TAB2: variants seen among roughly 807,000 people sequenced by gnomAD.
TAB2 encodes TGF-beta activated kinase 1 (MAP3K7) binding protein 2.
In TAB2, 3 loss-of-function variants were observed where a neutral mutation model predicts 65.0. That is an observed-to-expected ratio of 0.05 (90% CI 0.02 to 0.12). The LOEUF is 0.12. Among genes scored for constraint, TAB2 ranks in the 10% least tolerant of loss-of-function variants. The pLI, the probability that TAB2 is intolerant of heterozygous loss-of-function variation, is 1.00. For synonymous variants in TAB2, 298 were observed against 285.1 expected (o/e 1.05, Z -0.46); for missense variants, 623 against 840.3 (o/e 0.74, Z 3.20).
intron 1 of TAB2, among the ~76,000 whole-genome samples, chr6:149,223,689 G>A (rs1222490918): frequency 6.6e-6 from 1 of 152,152 alleles, no homozygotes; most frequent in Admixed American, 6.5e-5. Flanking sequence ...AGCTGCTTAT[G>A]TAAAAAAATG....
chr6:149,308,890 A>C (rs775567798), intron 1 of TAB2, among the ~76,000 whole-genome samples: 44 of 152,172 alleles, frequency 2.9e-4, no homozygotes, highest in Non-Finnish European at 5.9e-4. Context: ...ATTTTTAATA[A>C]CCTTTTGCAT....
chr6:149,348,899 G>A (rs1383308607), intron 1 of TAB2, among the ~76,000 whole-genome samples: 3 of 151,722 alleles, frequency 2.0e-5, no homozygotes, highest in African/African-American at 7.3e-5. Flanking sequence ...TCCGGGAGGC[G>A]GAGGTTGCAG....
intron 5 of TAB2, among the ~76,000 whole-genome samples, chr6:149,398,796 T>C (rs553108405): frequency 6.8e-6 from 1 of 147,280 alleles, no homozygotes; most frequent in African/African-American, 2.7e-5. Context: ...AATTGTGAAA[T>C]TTTAAGTTAT....
chr6:149,310,351 CA>C (rs528455627), intron 1 of TAB2, among the ~76,000 whole-genome samples: 1 of 151,886 alleles, frequency 6.6e-6, no homozygotes, highest in African/African-American at 2.4e-5. Flanking sequence ...AAAACAAAAA[CA>C]AAAAACGTAA....
At chr6:149,405,687 A>G (rs1017432146) in intron 6 of TAB2, among the ~76,000 whole-genome samples, 1 of 152,208 alleles carries the variant, frequency 6.6e-6, no homozygotes, top group African/African-American at 2.4e-5. Flanking sequence ...TGTAGAATTC[A>G]AAAATATCAA....
intron 2 of TAB2, among the ~76,000 whole-genome samples, chr6:149,371,320 T>G (rs1406778834): frequency 3.9e-5 from 6 of 152,122 alleles, no homozygotes; most frequent in Non-Finnish European, 8.8e-5. Context: ...ACTTAAAACC[T>G]GTTGATTGTT....
chr6:149,321,783 G>A (rs1290061128), intron 1 of TAB2, among the ~76,000 whole-genome samples: 2 of 152,080 alleles, frequency 1.3e-5, no homozygotes, highest in Non-Finnish European at 2.9e-5. Flanking sequence ...TTATCACAAA[G>A]TAAAATTGTG....
chr6:149,400,193 G>T (rs918236464), intron 6 of TAB2: 6 of 592,366 alleles, frequency 1.0e-5, no homozygotes, highest in Non-Finnish European at 8.8e-6. Flanking sequence ...AACAGGATCT[G>T]GCAGCAGCCA....
chr6:149,345,144 T>C (rs964138347), intron 1 of TAB2, among the ~76,000 whole-genome samples: 1 of 152,136 alleles, frequency 6.6e-6, no homozygotes. Flanking sequence ...TTTGAGTGCT[T>C]GCATAATAAA....
intron 6 of TAB2, chr6:149,400,953 C>T (rs1273371855): frequency 2.4e-6 from 1 of 409,744 alleles, no homozygotes; most frequent in Non-Finnish European, 4.5e-6. Flanking sequence ...AATACTGATT[C>T]TGTGAAAATA....
Position 149,397,432 on chromosome 6 carries a change from ACT to A in TAB2, c.1604-169_1604-168del, listed in dbSNP as rs201262923. ...CTCCAGCCTGAGCAACAAGAGTAAAACTCTGTGTCAAAAAAAAAAAAAAATTG... is the reference window on the plus strand; with the variant it reads ...CTCCAGCCTGAGCAACAAGAGTAAAACTGTGTCAAAAAAAAAAAAAAATTG... On this transcript the variant is annotated intron_variant, in intron 3 of 6. Coordinates refer to ENST00000637181, the MANE Select transcript of TAB2 (RefSeq NM_001292034.3). 0.011 allele frequency among the ~76,000 whole-genome samples: 1,676 copies of A among 151,256 alleles called. 10 individuals are homozygous for A. The highest frequency in any genetic ancestry group is 0.017 in the Middle Eastern group (5 of 294).
chr6:149,397,456 A>T, intron 3 of TAB2, 148 bp from the exon 4 acceptor site: 4 of 952,656 alleles, frequency 4.2e-6, no homozygotes, highest in Non-Finnish European at 6.4e-6. Flanking sequence ...AAAAAAAAAA[A>T]TTGAAATTTT....
chr6:149,326,644 T>C (rs1204613535), intron 1 of TAB2, among the ~76,000 whole-genome samples: 3 of 151,788 alleles, frequency 2.0e-5, no homozygotes, highest in Non-Finnish European at 4.4e-5. Flanking sequence ...GCCTCCTGGG[T>C]TCAAGCAATT....
chr6:149,299,565 CTG>C (rs1780239754), intron 1 of TAB2, among the ~76,000 whole-genome samples: 1 of 152,108 alleles, frequency 6.6e-6, no homozygotes, highest in African/African-American at 2.4e-5. Context: ...GAGAAAGACT[CTG>C]TGTCAAAAAA....
intron 1 of TAB2, among the ~76,000 whole-genome samples, chr6:149,283,717 AAAAC>A (rs549342376): frequency 1.3e-5 from 2 of 152,074 alleles, no homozygotes; most frequent in East Asian, 3.9e-4. Context: ...TCTAAAAAAC[AAAAC>A]AAACAAACAA....
chr6:149,273,836 T>C lies in TAB2; in HGVS notation c.-121+55060T>C, dbSNP rs369028139. 2.0e-5 allele frequency among the ~76,000 whole-genome samples: 3 copies of C among 152,336 alleles called. No homozygotes were observed. The South Asian group carries it at 6.2e-4, about 32-fold the overall frequency. On this transcript the variant is annotated intron_variant, in intron 1 of 1. Transcript: ENST00000606202. ...TGTCCTTTCTGCCAGAAGTCTGACC[T>C]GTAATGGGACACAGAGAAAGTTTTA... is the stretch of plus-strand genomic sequence containing the variant.
At chr6:149,352,301 G>A (rs920296074) in intron 1 of TAB2, among the ~76,000 whole-genome samples, 12 of 152,068 alleles carry the variant, frequency 7.9e-5, no homozygotes, top group African/African-American at 2.9e-4. Context: ...TGATCCATAT[G>A]TGTTTATTGT....
At chr6:149,232,250 C>A (rs867235075) in intron 1 of TAB2, among the ~76,000 whole-genome samples, 2 of 151,786 alleles carry the variant, frequency 1.3e-5, no homozygotes, top group Non-Finnish European at 2.9e-5. Context: ...TTTTTTTAGA[C>A]GGACTCTCGC....
At chr6:149,317,002 G>T (rs1469248803), upstream of TAB2, among the ~76,000 whole-genome samples, 1 of 150,594 alleles carries the variant, frequency 6.6e-6, no homozygotes, top group Non-Finnish European at 1.5e-5. This position sits in a 1 kb window ranked among gnomAD's most constrained non-coding sequence, Gnocchi z 4.7. Context: ...CTCCGCCGCG[G>T]GCCCACCTGC....
Sources: gnomAD v4.1 joint callset for allele counts (sites outside exome capture counted in the v4.1 genomes callset) on GRCh38, gnomAD v4.1.1 for gene constraint, Gnocchi (gnomAD v3.1) non-coding constraint, MANE v1.5 for transcripts, NCBI Gene and HGNC (gene_info 2026-07-23, HGNC 2026-07-21) for gene names.